STPG2: variants seen among roughly 807,000 people sequenced by gnomAD.
STPG2 encodes the protein sperm-tail PG-rich repeat-containing protein 2.
Under a neutral mutation model 54.2 loss-of-function variants are expected in STPG2, and 56 were observed. That is an observed-to-expected ratio of 1.03 (90% confidence interval 0.83 to 1.29). The LOEUF is 1.29. STPG2 is among the 50% of genes most tolerant of loss of function. The pLI, the probability that STPG2 is intolerant of heterozygous loss-of-function variation, is 0.00. For synonymous variants in STPG2, 200 were observed against 181.8 expected, an observed-to-expected ratio of 1.10 and a Z score of -0.81; for missense variants, 596 against 544.9, an observed-to-expected ratio of 1.09 and a Z score of -0.93.
intron 9 of STPG2, among the ~76,000 whole-genome samples, chr4:97,797,732 C>A (rs1727247132): frequency 6.6e-6 from 1 of 152,120 alleles, no homozygotes; most frequent in African/African-American, 2.4e-5. Flanking sequence ...CCTTCTTTTT[C>A]TATTGACTGG....
At chr4:97,562,055 G>T (rs1024743479) in intron 10 of STPG2, among the ~76,000 whole-genome samples, 3 of 152,224 alleles carry the variant, frequency 2.0e-5, no homozygotes, top group African/African-American at 7.2e-5. Context: ...TCATGATATT[G>T]ATTCTTCCTA....
chr4:97,497,037 G>C (rs909494543), intron 4 of STPG2, among the ~76,000 whole-genome samples: 2 of 147,936 alleles, frequency 1.4e-5, no homozygotes, highest in Non-Finnish European at 3.0e-5. Flanking sequence ...TTTTACACAG[G>C]AAAAAAGAAG....
Position 97,479,139 on chromosome 4 carries a change from T to TAC in STPG2, c.462+233558_462+233559dup, listed in dbSNP as rs144654407. Among the ~76,000 whole-genome samples the TAC allele has an allele frequency of 8.8e-3, 1,326 of 150,090 alleles. 10 individuals carry two copies. The highest frequency in any genetic ancestry group is 0.027 in the African/African-American group (1,100 of 41,102). ...ATATGTGTGTGGTTATGCATGTGTA[T>TAC]ACACACACACACACACACAAACACT... On this transcript the variant is annotated intron_variant, in intron 4 of 4. Transcript: ENST00000522676.
chr4:97,616,716 A>G (rs1453649036), intron 10 of STPG2, among the ~76,000 whole-genome samples: 3 of 152,104 alleles, frequency 2.0e-5, no homozygotes, highest in Admixed American at 6.6e-5. Context: ...TGGCTCAACT[A>G]TATGTTACAT....
intron 5 of STPG2, among the ~76,000 whole-genome samples, chr4:97,993,364 T>C (rs983407265): frequency 1.3e-5 from 2 of 152,138 alleles, no homozygotes; most frequent in Admixed American, 6.6e-5. Flanking sequence ...ATTCTATTTA[T>C]GTAGTATATC....
At chr4:97,680,470 C>T (rs1285980474) in intron 10 of STPG2, among the ~76,000 whole-genome samples, 3 of 152,048 alleles carry the variant, frequency 2.0e-5, no homozygotes, top group Non-Finnish European at 4.4e-5. Context: ...GATTTTTGTA[C>T]ATTGATTTTG....
intron 10 of STPG2, among the ~76,000 whole-genome samples, chr4:97,639,362 G>A (rs1253452166): frequency 6.6e-6 from 1 of 151,468 alleles, no homozygotes; most frequent in Non-Finnish European, 1.5e-5. Flanking sequence ...GTGGAGGGGG[G>A]AGGGATGGCA....
At chr4:97,767,536 G>A (rs1483622979) in intron 9 of STPG2, among the ~76,000 whole-genome samples, 1 of 152,016 alleles carries the variant, frequency 6.6e-6, no homozygotes, top group African/African-American at 2.4e-5. Flanking sequence ...AATTACAAAG[G>A]GAAGGGAGGA....
At chr4:97,878,324 G>A (rs548711191) in intron 8 of STPG2, among the ~76,000 whole-genome samples, 3 of 152,256 alleles carry the variant, frequency 2.0e-5, no homozygotes, top group Admixed American at 6.5e-5. Context: ...CTGTGTGCGG[G>A]GACTCACACC....
chr4:98,130,778 C>T (rs377641874), intron 2 of STPG2, among the ~76,000 whole-genome samples: 58 of 151,760 alleles, frequency 3.8e-4, no homozygotes, highest in East Asian at 2.9e-3. Context: ...AAAAGTTAGC[C>T]GGGCATGGTG....
intron 5 of STPG2, among the ~76,000 whole-genome samples, chr4:98,010,074 C>G (rs1336368507): frequency 6.6e-6 from 1 of 151,674 alleles, no homozygotes; most frequent in African/African-American, 2.4e-5. Flanking sequence ...TTTCATTGAT[C>G]TTCTGCATTT....
chr4:97,491,059 T>C (rs544566823), intron 4 of STPG2, among the ~76,000 whole-genome samples: 2 of 151,548 alleles, frequency 1.3e-5, no homozygotes, highest in Non-Finnish European at 3.0e-5. Flanking sequence ...CTGTCTTTCT[T>C]AACATATTCT....
chr4:97,506,794 TAGAG>T (rs1289885176), intron 4 of STPG2, among the ~76,000 whole-genome samples: 1 of 151,050 alleles, frequency 6.6e-6, no homozygotes, highest in African/African-American at 2.4e-5. Context: ...AATAAGCTAA[TAGAG>T]AGAGAGAATG....
In STPG2 at chr4:97,678,883, T is replaced by C. The variant is rs1722937476; in HGVS notation, c.1320+33816A>G. ...GAGTGAGAATATGTGGTGTTTGGTT[T>C]CTTGTTCTTGCGATAGTTTACTGAG... On this transcript the variant is annotated intron_variant, in intron 10 of 10. Coordinates refer to ENST00000295268, the MANE Select transcript of STPG2 (RefSeq NM_174952.3). Among the ~76,000 whole-genome samples the C allele has an allele frequency of 2.6e-5, 4 of 152,036 alleles. No homozygotes were observed. The South Asian group carries it at 8.3e-4, about 32-fold the overall frequency.
chr4:97,853,701 ACTTCTTC>A (rs1292676132), intron 8 of STPG2, among the ~76,000 whole-genome samples: 1 of 152,216 alleles, frequency 6.6e-6, no homozygotes, highest in African/African-American at 2.4e-5. Flanking sequence ...GAATATCCTT[ACTTCTTC>A]CTTCCCTTCT....
intron 4 of STPG2, among the ~76,000 whole-genome samples, chr4:97,465,098 G>A (rs908677423): frequency 1.3e-5 from 2 of 152,138 alleles, no homozygotes. Flanking sequence ...TAGAGAGAAA[G>A]CACATGAATA....
Position 97,572,962 on chromosome 4 carries a change from G to T in STPG2, c.1321-13845C>A, listed in dbSNP as rs184952475. Among the ~76,000 whole-genome samples the T allele has an allele frequency of 4.1e-3, 627 of 152,184 alleles. 3 individuals are homozygous for T. Among genetic ancestry groups the T allele is most frequent in the South Asian group, 0.02 (98 of 4,824 alleles). On this transcript the variant is annotated intron_variant, in intron 10 of 10. Transcript: ENST00000295268. ...AGGCGTTTAACTAGTTTTATCCCAT[G>T]TAGAGTTAGGTATTTTATCTTTAAC...
intron 8 of STPG2, among the ~76,000 whole-genome samples, chr4:97,890,660 T>C (rs977406790): frequency 2.0e-5 from 3 of 151,822 alleles, no homozygotes; most frequent in Non-Finnish European, 4.4e-5. Context: ...ATTATATATT[T>C]CAAAAAACAG....
chr4:97,815,326 A>C (rs1262139377), intron 9 of STPG2, among the ~76,000 whole-genome samples: 1 of 152,018 alleles, frequency 6.6e-6, no homozygotes, highest in African/African-American at 2.4e-5. Context: ...GGATTTCAGA[A>C]TTTTTCAGAT....
Sources: allele counts gnomAD v4.1 joint callset (sites outside exome capture counted in the v4.1 genomes callset), GRCh38; gene constraint gnomAD v4.1.1; transcripts MANE v1.5; gene names NCBI Gene and HGNC (gene_info 2026-07-23, HGNC 2026-07-21).